Variants in CNKSR1 observed in about 807,000 individuals in gnomAD.
CNKSR1 encodes the protein CNK homolog protein 1.
CNKSR1 carries 88 observed loss-of-function variants against 95.6 expected under a neutral mutation model. The observed-to-expected ratio is 0.92, with a 90% confidence interval of 0.78 to 1.10. The LOEUF (loss-of-function observed/expected upper bound fraction) is 1.10. Ranked by LOEUF, CNKSR1 falls within the 50% of genes least tolerant of loss-of-function variation. The pLI is 0.00. For synonymous variants in CNKSR1, 355 were observed against 369.7 expected (o/e 0.96, Z 0.46); for missense variants, 836 against 912.0 (o/e 0.92, Z 1.07).
intron 14 of CNKSR1, among the ~76,000 whole-genome samples, chr1:26,185,932 G>A (rs1358761868): frequency 6.6e-6 from 1 of 152,122 alleles, no homozygotes; most frequent in African/African-American, 2.4e-5. Context: ...TCAGGATTCA[G>A]GTGCCTACTG....
At chr1:26,186,773 C>G in intron 14 of CNKSR1, 1 of 267,390 alleles carries the variant, frequency 3.7e-6, no homozygotes, top group Non-Finnish European at 7.3e-6. Context: ...CACACCCGAC[C>G]TAAGTTTTTA....
In CNKSR1 at chr1:26,189,287, G is replaced by A. The variant is rs369330734; in HGVS notation, c.1881G>A (p.Leu627=). The A allele has an allele frequency of 9.9e-6, 16 of 1,614,150 alleles. No homozygotes were observed. The highest frequency in any genetic ancestry group is 1.7e-4 in the Middle Eastern group (1 of 6,058). The part of the protein sequence containing the change: ...RALQSTLKAK[L]QELQVLEEVL... ...CCCTCCTCTCCACACAGGCAAAGCT[G>A]CAGGAGCTGCAGGTCCTAGAAGAAG... Residue 627 remains leucine (L), a synonymous_variant, in exon 21 of 21, where the codon CTG becomes CTA. Coordinates refer to ENST00000361530, the MANE Select transcript of CNKSR1 (RefSeq NM_006314.3).
chr1:26,183,110 C>A, intron 6 of CNKSR1, 87 bp from the exon 7 acceptor site: 1 of 1,329,912 alleles, frequency 7.5e-7, no homozygotes. Flanking sequence ...GTTCCACCCA[C>A]CATAGAGTCC....
In CNKSR1 at chr1:26,181,935, G is replaced by A; in HGVS notation, c.471G>A (p.Leu157=). 1 of 1,613,944 alleles carries A rather than the reference G, an allele frequency of 6.2e-7. No individual in the cohort carries two copies. The highest frequency in any genetic ancestry group is 1.7e-4 in the Middle Eastern group (1 of 6,056). The change falls in exon 4 of 21, where the codon TTG becomes TTA. Residue 157 remains leucine, a synonymous_variant. Coordinates refer to ENST00000361530, the MANE Select transcript of CNKSR1 (RefSeq NM_006314.3). ...TGTTGGAGGAGCTGAGCCAGGTCTT[G>A]CATGAGGTAGGAGAACCAAGGGCCA... ...RDLLEELSQV[L]HEDGPAAEKE... is the part of the protein sequence containing the mutation.
chr1:26,188,735 G>C (rs775907026), intron 19 of CNKSR1, 37 bp from the exon 20 acceptor site: 11 of 1,611,632 alleles, frequency 6.8e-6, no homozygotes, highest in Non-Finnish European at 9.3e-6. Flanking sequence ...TGGGGGCTGG[G>C]GTGGGCACAT....
chr1:26,184,064 T>G lies in CNKSR1; in HGVS notation c.856-7T>G, dbSNP rs202082294. On this transcript the variant is annotated splice_polypyrimidine_tract_variant and splice_region_variant and intron_variant, in intron 9 of 20. Transcript: ENST00000361530. ...TCTCCATTGCTTTGTTCCTGGTTGT[T>G]CCCCAGACGCCCCCTCAGGTCCTGG... is the stretch of plus-strand genomic sequence containing the variant. The G allele has an allele frequency of 3.9e-5, 63 of 1,607,218 alleles. No homozygotes were observed. The highest frequency in any genetic ancestry group is 4.9e-5 in the Non-Finnish European group (58 of 1,177,544).
intron 1 of CNKSR1, among the ~76,000 whole-genome samples, chr1:26,178,718 A>G (rs2124506065): frequency 6.6e-6 from 1 of 152,330 alleles, no homozygotes; most frequent in Admixed American, 6.5e-5. Context: ...CTGTCCATCA[A>G]ATGGGAAAGG....
rs750114541 is a variant in CNKSR1 at position 26,180,533 on chromosome 1, AG to A, written c.134del (p.Ser45ThrfsTer26). On this transcript the variant is annotated frameshift_variant, in exon 2 of 21. Coordinates refer to ENST00000361530, the MANE Select transcript of CNKSR1 (RefSeq NM_006314.3). LOFTEE classifies it high-confidence loss of function. ...GKNLLQLCPQ[S>X]LEALAVRSLG... Reference sequence around the variant, plus strand: ...GAACCTGCTCCAGCTCTGCCCCCAAAGCCTCGAGGCTCTGGCTGTGCGGTCT... The same window carrying A: ...GAACCTGCTCCAGCTCTGCCCCCAAACCTCGAGGCTCTGGCTGTGCGGTCT... The A allele has an allele frequency of 6.2e-7, 1 of 1,614,142 alleles. No homozygotes were observed. The highest frequency in any genetic ancestry group is 8.5e-7 in the Non-Finnish European group (1 of 1,180,028).
Position 26,181,884 on chromosome 1 carries a change from C to G in CNKSR1, c.420C>G (p.Phe140Leu), listed in dbSNP as rs754293036. The G allele has an allele frequency of 6.2e-7, 1 of 1,614,126 alleles. No homozygotes were observed. Among genetic ancestry groups the G allele is most frequent in the Admixed American group, 1.7e-5 (1 of 60,030 alleles). Residue 140 changes from phenylalanine to leucine, a missense_variant, in exon 4 of 21, where the codon TTC becomes TTG. Transcript: ENST00000361530. ...ACCTCTTCTCCCACTTAAATGATTTCTCAGCATGCCAGGAGATCCGAGACT... is the reference window on the plus strand; with the variant it reads ...ACCTCTTCTCCCACTTAAATGATTTGTCAGCATGCCAGGAGATCCGAGACT... ...SRYLFSHLNDFSACQEIRDLL... is the reference protein window; with the variant it reads ...SRYLFSHLNDLSACQEIRDLL...
chr1:26,183,597 C>G, intron 8 of CNKSR1, 132 bp from the exon 9 acceptor site: 5 of 1,001,592 alleles, frequency 5.0e-6, no homozygotes, highest in Non-Finnish European at 8.0e-6. Flanking sequence ...CCATGGAAGC[C>G]CCCAGGAGGC....
rs111744181 is a variant in CNKSR1 at position 26,187,473 on chromosome 1, A to T, written c.1445A>T (p.Asp482Val). The change falls in exon 16 of 21, where the codon GAT (aspartate) becomes GTT (valine). Residue 482 changes from aspartate to valine, a missense_variant. By Grantham distance (152) the Asp-to-Val change is radical. Transcript: ENST00000361530. ...ATCTTCGCTGCTGATACCCTGACAG[A>T]TCTGAGCATGTGAGTGCCGCCTCCC... ...PFIFAADTLT[D>V]LSMWVRHLIT... The T allele has an allele frequency of 6.2e-7, 1 of 1,613,980 alleles. No homozygotes were observed. Among genetic ancestry groups the T allele is most frequent in the African/African-American group, 1.3e-5 (1 of 74,998 alleles).
chr1:26,189,611 C>G lies in CNKSR1; in HGVS notation c.*63C>G. 1.2e-6 allele frequency: 1 copy of G among 852,826 alleles called. No homozygotes were observed. Among genetic ancestry groups the G allele is most frequent in the Non-Finnish European group, 2.1e-6 (1 of 483,980 alleles). 52.8% of individuals were successfully genotyped at this position (852,826 alleles called of 1,614,324 possible). A position where few individuals can be genotyped will look rare whatever the true frequency, so the allele number is the denominator to read the frequency against. ...GGGCCACCTCAACCCCAGCTTCTGA[C>G]GTGTCCAGGACAGAGCATCCCTGGA... On this transcript the variant is annotated 3_prime_UTR_variant, in exon 21 of 21. Coordinates refer to ENST00000361530, the MANE Select transcript of CNKSR1 (RefSeq NM_006314.3).
rs762202301 is a variant in CNKSR1 at position 26,189,640 on chromosome 1, T to C, written c.*92T>C. 2 of 805,976 alleles carry C rather than the reference T, an allele frequency of 2.5e-6. No individual in the cohort carries two copies. Among genetic ancestry groups the C allele is most frequent in the South Asian group, 2.7e-5 (2 of 75,084 alleles). 49.9% of individuals were successfully genotyped at this position (805,976 alleles called of 1,614,324 possible). On this transcript the variant is annotated 3_prime_UTR_variant, in exon 21 of 21. Transcript: ENST00000361530. The stretch of plus-strand genomic sequence containing the variant: ...TCCAGGACAGAGCATCCCTGGATTC[T>C]GTTCAGGGTGGGAAGTAGTACTGCT...
intron 3 of CNKSR1, among the ~76,000 whole-genome samples, chr1:26,181,272 C>A (rs1478451649): frequency 1.5e-5 from 2 of 134,070 alleles, no homozygotes; most frequent in African/African-American, 5.7e-5. Flanking sequence ...CAGAGTGAGA[C>A]TCCCTCTCAA....
rs151076692 is a variant in CNKSR1, at chr1:26,184,072, C to T, written c.857C>T (p.Thr286Met). Residue 286 changes from threonine to methionine, a missense_variant and splice_region_variant, in exon 10 of 21, where the codon ACG becomes ATG. Coordinates refer to ENST00000361530, the MANE Select transcript of CNKSR1 (RefSeq NM_006314.3). ...GCTTTGTTCCTGGTTGTTCCCCAGA[C>T]GCCCCCTCAGGTCCTGGACTCCCCG... ...KIPIPETPPQ[T>M]PPQVLDSPHQ... 3.4e-5 allele frequency: 55 copies of T among 1,609,868 alleles called. No individual in the cohort carries two copies. Among genetic ancestry groups the T allele is most frequent in the African/African-American group, 1.8e-4 (13 of 73,756 alleles).
intron 6 of CNKSR1, 63 bp from the exon 7 acceptor site, chr1:26,183,134 G>T: frequency 6.6e-7 from 1 of 1,505,856 alleles, no homozygotes; most frequent in African/African-American, 1.4e-5. Context: ...TGTCTGGCGG[G>T]GGTCCTGCCT....
Position 26,189,571 on chromosome 1 carries a change from T to G in CNKSR1, c.*23T>G. The G allele has an allele frequency of 1.7e-6, 2 of 1,203,146 alleles. No homozygotes were observed. The highest frequency in any genetic ancestry group is 2.5e-6 in the Non-Finnish European group (2 of 804,504). The allele number at this position is 1,203,146 out of a possible 1,614,324, so 74.5% of individuals were successfully genotyped here. A position where few individuals can be genotyped will look rare whatever the true frequency, so the allele number is the denominator to read the frequency against. ...TGACCCTGGCCAGCACTCTAGCTCC[T>G]GACCTTTGACCCGAGGGCCACCTCA... On this transcript the variant is annotated 3_prime_UTR_variant, in exon 21 of 21. Transcript: ENST00000361530.
chr1:26,184,351 C>G, intron 11 of CNKSR1, 50 bp from the exon 12 acceptor site: 1 of 1,604,454 alleles, frequency 6.2e-7, no homozygotes, highest in African/African-American at 1.3e-5. Flanking sequence ...TGACCCCAAG[C>G]CTGGGACTGG....
intron 1 of CNKSR1, 83 bp downstream of exon 1, chr1:26,177,682 A>G: frequency 6.5e-7 from 1 of 1,535,654 alleles, no homozygotes; most frequent in Non-Finnish European, 8.9e-7. Flanking sequence ...GGAAAAGGAA[A>G]AAAAATCTGC....
Sources: allele counts gnomAD v4.1 joint callset (sites outside exome capture counted in the v4.1 genomes callset), GRCh38; gene constraint gnomAD v4.1.1; transcripts MANE v1.5; gene names NCBI Gene and HGNC (gene_info 2026-07-23, HGNC 2026-07-21).